The following KLK2 variants were observed in gnomAD, a reference collection of about 807,000 sequenced individuals.
KLK2 encodes kallikrein-2.
KLK2 carries 17 observed loss-of-function variants against 23.0 expected under a neutral mutation model. The ratio of observed to expected loss-of-function variants is 0.74; its 90% CI spans 0.51 to 1.11. The LOEUF is 1.11. Among genes scored for constraint, KLK2 ranks in the 50% least tolerant of loss-of-function variants. The pLI, the probability that KLK2 is intolerant of heterozygous loss-of-function variation, is 0.00. For synonymous variants in KLK2, 140 were observed against 124.7 expected (o/e 1.12, Z -0.82); for missense variants, 330 against 325.9 (o/e 1.01, Z -0.10).
intron 2 of KLK2, 73 bp from the exon 3 acceptor site, chr19:50,876,399 C>G: frequency 7.2e-7 from 1 of 1,389,252 alleles, no homozygotes. Flanking sequence ...TTGGAGTCTC[C>G]CTTATCCTCC....
rs2091902839 is a variant in KLK2, at chr19:50,878,678, C to A, written c.*119C>A. ...GGAACTCACCTGGCCGAAGCTCGAG[C>A]CTCCTGAGTCCTACTGACCTGTGCT... On this transcript the variant is annotated 3_prime_UTR_variant, in exon 5 of 5. Transcript: ENST00000325321. 1.1e-6 allele frequency: 1 copy of A among 946,072 alleles called. No homozygotes were observed. Among genetic ancestry groups the A allele is most frequent in the Non-Finnish European group, 1.6e-6 (1 of 607,610 alleles). 58.6% of individuals were successfully genotyped at this position (946,072 alleles called of 1,614,324 possible). A position where few individuals can be genotyped will look rare whatever the true frequency, so the allele number is the denominator to read the frequency against.
rs1448566054 is a variant in KLK2 at position 50,879,703 on chromosome 19, G to GT, written c.*1145dup. ...CTAGAGTTCAAACAGATACAGCATG[G>GT]TCCAGAGTCCCAGATGTACAAAAAC... On this transcript the variant is annotated 3_prime_UTR_variant, in exon 5 of 5. Coordinates refer to ENST00000325321, the MANE Select transcript of KLK2 (RefSeq NM_005551.5). 12 of 229,808 alleles carry GT rather than the reference G, an allele frequency of 5.2e-5. No individual in the cohort carries two copies. Among genetic ancestry groups the GT allele is most frequent in the African/African-American group, 2.0e-4 (9 of 45,086 alleles). The allele number at this position is 229,808 out of a possible 1,614,324, so 14.2% of individuals were successfully genotyped here. A position where few individuals can be genotyped will look rare whatever the true frequency, so the allele number is the denominator to read the frequency against.
At chr19:50,876,449 G>A in intron 2 of KLK2, 23 bp from the exon 3 acceptor site, 1 of 1,610,730 alleles carries the variant, frequency 6.2e-7, no homozygotes, top group South Asian at 1.1e-5. Flanking sequence ...CTCTCCTCAT[G>A]CATCCACCCC....
At chr19:50,875,995 C>CT in intron 2 of KLK2, 1 of 185,046 alleles carries the variant, frequency 5.4e-6, no homozygotes, top group Non-Finnish European at 1.1e-5. Flanking sequence ...TCCTCAGATG[C>CT]CCCCGTGGCC....
At position 50,878,618 on chromosome 19, in the gene KLK2, A is replaced by C. The variant is rs778601575; in HGVS notation, c.*59A>C. On this transcript the variant is annotated 3_prime_UTR_variant, in exon 5 of 5. Coordinates refer to ENST00000325321, the MANE Select transcript of KLK2 (RefSeq NM_005551.5). ...TAAGTCCACCTCACGTTCTGGCATCACTTGGCCTTTCTGGATGCTGGACAC... is the reference window on the plus strand; with the variant it reads ...TAAGTCCACCTCACGTTCTGGCATCCCTTGGCCTTTCTGGATGCTGGACAC... The C allele has an allele frequency of 2.5e-5, 38 of 1,536,818 alleles. No individual in the cohort carries two copies. The highest frequency in any genetic ancestry group is 3.3e-5 in the Non-Finnish European group (37 of 1,123,976).
chr19:50,873,517 C>T lies in KLK2; in HGVS notation c.44C>T (p.Thr15Ile). 1.0e-5 allele frequency: 16 copies of T among 1,598,112 alleles called. No homozygotes were observed. Among genetic ancestry groups the T allele is most frequent in the Non-Finnish European group, 1.4e-5 (16 of 1,169,978 alleles). The change falls in exon 1 of 5, where the codon ACT becomes ATT. Residue 15 changes from threonine (T) to isoleucine (I), a missense_variant and splice_region_variant. Thr to Ile is a moderately conservative substitution (Grantham distance 89). Transcript: ENST00000325321. ...TCCATCGCCTTGTCTGTGGGGTGCA[C>T]TGGTGAGATTGGGGGGATAAAGGAA... is the stretch of plus-strand genomic sequence containing the variant. ...VLSIALSVGC[T>I]GAVPLIQSRI...
chr19:50,877,350 A>G, intron 4 of KLK2: 1 of 360,636 alleles, frequency 2.8e-6, no homozygotes, highest in Non-Finnish European at 5.2e-6. Flanking sequence ...GGGCACTGGC[A>G]GGAACAGTGG....
chr19:50,876,986 C>T lies in KLK2; in HGVS notation c.608C>T (p.Thr203Ile). The T allele has an allele frequency of 1.9e-6, 3 of 1,614,138 alleles. No homozygotes were observed. Among genetic ancestry groups the T allele is most frequent in the Non-Finnish European group, 2.5e-6 (3 of 1,180,012 alleles). Residue 203 changes from threonine (T) to isoleucine (I), a missense_variant, in exon 4 of 5, where the codon ACA becomes ATA. Transcript: ENST00000325321. ...TTCATGTTGTGTGCTGGGCTCTGGA[C>T]AGGTGGTAAAGACACTTGTGGGGTG... is the stretch of plus-strand genomic sequence containing the variant. ...TEFMLCAGLW[T>I]GGKDTCGGDS...
At chr19:50,875,652 A>G (rs963642552) in intron 2 of KLK2, 3 of 152,334 alleles carry the variant, frequency 2.0e-5, no homozygotes, top group African/African-American at 7.2e-5. Flanking sequence ...TACAAAAAGT[A>G]GCCAGGCGTG....
intron 4 of KLK2, among the ~76,000 whole-genome samples, chr19:50,878,094 GCATCCTGCAGATGGTCCCGGCCCT>G (rs1001776811): frequency 6.6e-6 from 1 of 152,188 alleles, no homozygotes; most frequent in Non-Finnish European, 1.5e-5. Context: ...TGTGGGGGCA[GCATCCTGCAGATGGTCCCGGCCCT>G]CATCCTGCTG....
In KLK2 at chr19:50,879,032, T is replaced by C; in HGVS notation, c.*473T>C. On this transcript the variant is annotated 3_prime_UTR_variant, in exon 5 of 5. Transcript: ENST00000325321. ...ATGACGCTGTAAACATAGCCCACGC[T>C]GTCCTGGGGGCACTGGGAAGCCTAG... The C allele has an allele frequency of 8.5e-6, 2 of 234,246 alleles. No individual in the cohort carries two copies. Among genetic ancestry groups the C allele is most frequent in the East Asian group, 1.2e-4 (2 of 16,580 alleles). 14.5% of individuals were successfully genotyped at this position (234,246 alleles called of 1,614,324 possible).
At chr19:50,873,762 G>C in intron 1 of KLK2, 1 of 532,282 alleles carries the variant, frequency 1.9e-6, no homozygotes, top group Non-Finnish European at 3.3e-6. Flanking sequence ...CTTTACTAAA[G>C]AGCAAGTTCC....
Position 50,874,782 on chromosome 19 carries a change from AC to A in KLK2, c.111del (p.Trp38GlyfsTer30), listed in dbSNP as rs112137063. On this transcript the variant is annotated frameshift_variant, in exon 2 of 5. Coordinates refer to ENST00000325321, the MANE Select transcript of KLK2 (RefSeq NM_005551.5). LOFTEE classifies it high-confidence loss of function. The part of the protein sequence containing the change: ...GGWECEKHSQ[P>X]WQVAVYSHGW... ...GCTGGGAGTGTGAGAAGCATTCCCA[AC>A]CCTGGCAGGTGGCTGTGTACAGTCA... 2 of 1,613,408 alleles carry A rather than the reference AC, an allele frequency of 1.2e-6. No homozygotes were observed. Among genetic ancestry groups the A allele is most frequent in the Non-Finnish European group, 1.7e-6 (2 of 1,179,862 alleles).
Position 50,880,075 on chromosome 19 carries a change from T to G in KLK2, c.*1516T>G, listed in dbSNP as rs1052489202. ...GATACTGAGCCCAAAGAGCATTCAA[T>G]CATTGTTTTATTTGCCTTCTTTTCA... On this transcript the variant is annotated 3_prime_UTR_variant, in exon 5 of 5. Coordinates refer to ENST00000325321, the MANE Select transcript of KLK2 (RefSeq NM_005551.5). 8.7e-6 allele frequency: 2 copies of G among 229,330 alleles called. No homozygotes were observed. The highest frequency in any genetic ancestry group is 2.2e-5 in the African/African-American group (1 of 45,106). 14.2% of individuals were successfully genotyped at this position (229,330 alleles called of 1,614,324 possible).
Position 50,876,759 on chromosome 19 carries a change from G to A in KLK2, c.493+1G>A. 1 of 1,613,658 alleles carries A rather than the reference G, an allele frequency of 6.2e-7. No homozygotes were observed. Among genetic ancestry groups the A allele is most frequent in the Non-Finnish European group, 8.5e-7 (1 of 1,179,808 alleles). On this transcript the variant is annotated splice_donor_variant, in intron 3 of 4. Coordinates refer to ENST00000325321, the MANE Select transcript of KLK2 (RefSeq NM_005551.5). LOFTEE classifies it high-confidence loss of function. ...TGGGGCAGCATCGAACCAGAGGAGT[G>A]TACGCCTGGGCCAGATGGTGTAGCT...
In KLK2 at chr19:50,873,450, C is replaced by T. The variant is rs377554986; in HGVS notation, c.-24C>T. On this transcript the variant is annotated 5_prime_UTR_variant, in exon 1 of 5. Coordinates refer to ENST00000325321, the MANE Select transcript of KLK2 (RefSeq NM_005551.5). ...GGCCCCCCAGCCCCAAACTCACCAC[C>T]TGGCCGTGGACACCTGTGTCAGCAT... is the stretch of plus-strand genomic sequence containing the variant. 2 of 1,585,982 alleles carry T rather than the reference C, an allele frequency of 1.3e-6. No individual in the cohort carries two copies. The highest frequency in any genetic ancestry group is 1.3e-5 in the African/African-American group (1 of 74,336).
intron 4 of KLK2, 177 bp downstream of exon 4, chr19:50,877,185 A>C: frequency 1.4e-6 from 1 of 730,012 alleles, no homozygotes; most frequent in Non-Finnish European, 2.3e-6. Context: ...CCCTCAACAC[A>C]AGAGGTGATT....
rs2090311309 is a variant in KLK2, at chr19:50,878,441, T to G, written c.668T>G (p.Leu223Arg). 6.2e-7 allele frequency: 1 copy of G among 1,613,956 alleles called. No individual in the cohort carries two copies. ...SGGPLVCNGV[L>R]QGITSWGPEP... ...GGTCCACTTGTCTGTAATGGTGTGC[T>G]TCAAGGTATCACATCATGGGGCCCT... Residue 223 changes from leucine (L) to arginine (R), a missense_variant, in exon 5 of 5, where the codon CTT (leucine) becomes CGT (arginine). Transcript: ENST00000325321.
At position 50,873,457 on chromosome 19, in the gene KLK2, T is replaced by G; in HGVS notation, c.-17T>G. 1 of 1,591,480 alleles carries G rather than the reference T, an allele frequency of 6.3e-7. No individual in the cohort carries two copies. The highest frequency in any genetic ancestry group is 8.6e-7 in the Non-Finnish European group (1 of 1,166,436). ...CAGCCCCAAACTCACCACCTGGCCGTGGACACCTGTGTCAGCATGTGGGAC... is the reference window on the plus strand; with the variant it reads ...CAGCCCCAAACTCACCACCTGGCCGGGGACACCTGTGTCAGCATGTGGGAC... On this transcript the variant is annotated 5_prime_UTR_variant, in exon 1 of 5. Coordinates refer to ENST00000325321, the MANE Select transcript of KLK2 (RefSeq NM_005551.5).
Sources: allele counts gnomAD v4.1 joint callset (sites outside exome capture counted in the v4.1 genomes callset), GRCh38; gene constraint gnomAD v4.1.1; transcripts MANE v1.5; gene names NCBI Gene and HGNC (gene_info 2026-07-23, HGNC 2026-07-21).